Variants in LIN52 observed in about 807,000 individuals in gnomAD.
LIN52 encodes the protein protein lin-52 homolog.
LIN52 carries 4 observed loss-of-function variants against 18.5 expected under a neutral mutation model. The observed-to-expected ratio is 0.22, with a 90% confidence interval of 0.11 to 0.49. The LOEUF (loss-of-function observed/expected upper bound fraction) is 0.49, where lower values mean the gene tolerates loss of function less well. Ranked by LOEUF, LIN52 falls within the 20% of genes least tolerant of loss-of-function variation. The pLI, the probability that LIN52 is intolerant of heterozygous loss-of-function variation, is 0.97. For synonymous variants in LIN52, 34 were observed against 45.5 expected, an observed-to-expected ratio of 0.75 and a Z score of 1.02; for missense variants, 102 against 139.5, an observed-to-expected ratio of 0.73 and a Z score of 1.35.
At chr14:74,088,794 T>C (rs1422569158) in intron 1 of LIN52, among the ~76,000 whole-genome samples, 1 of 152,224 alleles carries the variant, frequency 6.6e-6, no homozygotes, top group Non-Finnish European at 1.5e-5. Context: ...AACTGCTGTT[T>C]ATAGCATTAA....
At position 74,120,069 on chromosome 14, in the gene LIN52, C is replaced by T. The variant is rs562691738; in HGVS notation, c.283+18831C>T. ...CAGGCTGGTCTCAAACTCATGACCT[C>T]GGGTGATCCGCCTGCCTCGGCCTCC... On this transcript the variant is annotated intron_variant, in intron 5 of 5. Transcript: ENST00000555028. Among the ~76,000 whole-genome samples the T allele has an allele frequency of 2.1e-4, 32 of 151,792 alleles. 1 individual carries two copies. The highest frequency in any genetic ancestry group is 1.6e-3 in the Admixed American group (25 of 15,250).
At chr14:74,159,517 C>T (rs1232299080) in intron 5 of LIN52, among the ~76,000 whole-genome samples, 1 of 151,506 alleles carries the variant, frequency 6.6e-6, no homozygotes, top group African/African-American at 2.4e-5. Flanking sequence ...CTTGTCCAGG[C>T]AGATTCTGTA....
At chr14:74,121,866 G>A (rs182542417) in intron 5 of LIN52, among the ~76,000 whole-genome samples, 1 of 152,048 alleles carries the variant, frequency 6.6e-6, no homozygotes, top group Admixed American at 6.5e-5. Flanking sequence ...TGGGATTACA[G>A]GCGCGCACAC....
chr14:74,117,488 G>A (rs1458845252), intron 5 of LIN52, among the ~76,000 whole-genome samples: 1 of 151,100 alleles, frequency 6.6e-6, no homozygotes. Context: ...TTTTGGCGGG[G>A]GGGCTTTGAA....
intron 5 of LIN52, among the ~76,000 whole-genome samples, chr14:74,183,667 C>A (rs2061329180): frequency 6.6e-6 from 1 of 152,166 alleles, no homozygotes; most frequent in Admixed American, 6.6e-5. Context: ...CCATCCCCAG[C>A]TTCAAAAATG....
At chr14:74,182,512 A>G (rs2061322391) in intron 5 of LIN52, among the ~76,000 whole-genome samples, 1 of 152,112 alleles carries the variant, frequency 6.6e-6, no homozygotes, top group South Asian at 2.1e-4. Flanking sequence ...CAAGTAATGT[A>G]GATGCTGATT....
In LIN52 at chr14:74,165,528, T is replaced by TTTTTTG. The variant is rs56781854; in HGVS notation, c.284-33394_284-33393insTTTTTG. 8.5e-4 allele frequency among the ~76,000 whole-genome samples: 127 copies of TTTTTTG among 149,636 alleles called. 3 individuals carry two copies. The highest frequency in any genetic ancestry group is 3.1e-3 in the African/African-American group (124 of 40,448). The stretch of plus-strand genomic sequence containing the variant: ...GTTTTCTTTTCTTTTTTTTTTTTTT[T>TTTTTTG]GAGACAGAGTCTCAGTCACCCAGAC... On this transcript the variant is annotated intron_variant, in intron 5 of 5. Coordinates refer to ENST00000555028, the MANE Select transcript of LIN52 (RefSeq NM_001024674.3).
At chr14:74,188,304 G>A (rs914839699) in intron 5 of LIN52, among the ~76,000 whole-genome samples, 1 of 151,928 alleles carries the variant, frequency 6.6e-6, no homozygotes, top group African/African-American at 2.4e-5. Context: ...CTTAAATCTC[G>A]ATGCAAGTCA....
At chr14:74,190,045 A>G (rs1264050010) in intron 5 of LIN52, among the ~76,000 whole-genome samples, 1 of 152,206 alleles carries the variant, frequency 6.6e-6, no homozygotes, top group Non-Finnish European at 1.5e-5. Flanking sequence ...CTGAGGCAAG[A>G]GGATTGCTTG....
intron 5 of LIN52, among the ~76,000 whole-genome samples, chr14:74,144,160 T>C (rs1352569004): frequency 6.6e-6 from 1 of 151,936 alleles, no homozygotes; most frequent in Non-Finnish European, 1.5e-5. Context: ...GGTCTTGCTC[T>C]GTCACCCAGG....
At chr14:74,130,918 CA>C (rs1208480911) in intron 5 of LIN52, among the ~76,000 whole-genome samples, 3 of 150,928 alleles carry the variant, frequency 2.0e-5, no homozygotes, top group South Asian at 2.1e-4. Context: ...AATTGACAAC[CA>C]AAAATTTAAA....
chr14:74,095,808 C>T (rs58281346), intron 2 of LIN52, 140 bp from the exon 3 acceptor site: 85,377 of 500,814 alleles, frequency 0.17, 9,717 homozygotes, highest in East Asian at 0.53. Flanking sequence ...AGGACTGAAA[C>T]AGTGTTATAG....
At chr14:74,119,364 C>T (rs879602640) in intron 5 of LIN52, among the ~76,000 whole-genome samples, 1 of 151,930 alleles carries the variant, frequency 6.6e-6, no homozygotes, top group Non-Finnish European at 1.5e-5. Context: ...CAGGGTTTCA[C>T]TGTGTTAGCT....
intron 5 of LIN52, among the ~76,000 whole-genome samples, chr14:74,117,160 G>A (rs2060970270): frequency 6.6e-6 from 1 of 152,146 alleles, no homozygotes; most frequent in Non-Finnish European, 1.5e-5. Flanking sequence ...AAATAGCAAG[G>A]TGAATGTTTC....
intron 1 of LIN52, among the ~76,000 whole-genome samples, chr14:74,086,231 C>T (rs1033552459): frequency 4.6e-5 from 7 of 152,054 alleles, no homozygotes; most frequent in African/African-American, 1.7e-4. Flanking sequence ...CAGTGCCTGA[C>T]GAACAGTAGG....
In LIN52 at chr14:74,130,278, G is replaced by GTTT. The variant is rs71460958; in HGVS notation, c.283+29056_283+29058dup. 3.1e-4 allele frequency among the ~76,000 whole-genome samples: 20 copies of GTTT among 64,824 alleles called. 5 individuals are homozygous for GTTT. The highest frequency in any genetic ancestry group is 1.4e-3 in the South Asian group (2 of 1,480). The allele number at this position is 64,824 out of a possible 152,430, so 42.5% of individuals were successfully genotyped here. A position where few individuals can be genotyped will look rare whatever the true frequency, so the allele number is the denominator to read the frequency against. On this transcript the variant is annotated intron_variant, in intron 5 of 5. Coordinates refer to ENST00000555028, the MANE Select transcript of LIN52 (RefSeq NM_001024674.3). The stretch of plus-strand genomic sequence containing the variant: ...GAATTTATTAGATAGGCATTTTTTG[G>GTTT]TTTTTTTTTTTTTTTTTTGAGACAG...
At chr14:74,119,836 C>CT (rs555673247) in intron 5 of LIN52, among the ~76,000 whole-genome samples, 6,720 of 132,336 alleles carry the variant, frequency 0.051, 510 homozygotes, top group African/African-American at 0.17. Flanking sequence ...CTGGATTATT[C>CT]TTTTTTTTTT....
intron 5 of LIN52, chr14:74,114,309 T>TAC: frequency 3.6e-5 from 35 of 985,288 alleles, no homozygotes; most frequent in Non-Finnish European, 4.2e-5. Flanking sequence ...ATAGGAAAGA[T>TAC]ACACACCTTT....
intron 4 of LIN52, among the ~76,000 whole-genome samples, chr14:74,099,362 A>G (rs537565653): frequency 7.9e-5 from 12 of 152,270 alleles, no homozygotes; most frequent in Middle Eastern, 3.4e-3. Flanking sequence ...TCCTCCTGCC[A>G]TGGAAAAATT....
Sources: gnomAD v4.1 joint callset for allele counts (sites outside exome capture counted in the v4.1 genomes callset) on GRCh38, gnomAD v4.1.1 for gene constraint, MANE v1.5 for transcripts, NCBI Gene and HGNC (gene_info 2026-07-23, HGNC 2026-07-21) for gene names.